CNGB3: variants seen among roughly 807,000 people sequenced by gnomAD.
CNGB3 encodes the protein cyclic nucleotide gated channel subunit beta 3, also known as cyclic nucleotide-gated channel beta-3.
A neutral mutation model predicts 92.8 loss-of-function variants in CNGB3; 86 were observed. The observed-to-expected ratio is 0.93, with a 90% CI of 0.78 to 1.11. The LOEUF is 1.11. Among genes scored for constraint, CNGB3 ranks in the 50% least tolerant of loss-of-function variants. CNGB3 has a pLI of 0.00. For missense variants in CNGB3, 1,026 were observed against 956.8 expected, an observed-to-expected ratio of 1.07 and a Z score of -0.95; for synonymous variants, 333 against 332.7, an observed-to-expected ratio of 1.00 and a Z score of -0.01.
intron 2 of CNGB3, among the ~76,000 whole-genome samples, chr8:86,732,336 C>T (rs1825170899): frequency 6.6e-6 from 1 of 152,164 alleles, no homozygotes; most frequent in Non-Finnish European, 1.5e-5. Flanking sequence ...GGCTGGCAAC[C>T]TCAATGGTGG....
chr8:86,651,619 T>C (rs887600227), intron 7 of CNGB3, among the ~76,000 whole-genome samples: 2 of 151,876 alleles, frequency 1.3e-5, no homozygotes, highest in East Asian at 1.9e-4. Context: ...GCTTGCTTTC[T>C]ATTCAATTCC....
intron 6 of CNGB3, among the ~76,000 whole-genome samples, chr8:86,655,091 C>T (rs1823478005): frequency 6.6e-6 from 1 of 152,164 alleles, no homozygotes; most frequent in African/African-American, 2.4e-5. Flanking sequence ...GCAATCTCAT[C>T]TACACTGCTT....
chr8:86,644,344 T>C (rs141545368), intron 9 of CNGB3, among the ~76,000 whole-genome samples: 1 of 151,422 alleles, frequency 6.6e-6, no homozygotes, highest in Non-Finnish European at 1.5e-5. Flanking sequence ...TAAAGTTAAC[T>C]TGCAAAAGAG....
intron 13 of CNGB3, among the ~76,000 whole-genome samples, chr8:86,624,776 G>T (rs567486343): frequency 6.6e-6 from 1 of 152,236 alleles, no homozygotes; most frequent in African/African-American, 2.4e-5. Context: ...ACATGGCTGG[G>T]ATCTGTGTCT....
intron 3 of CNGB3, among the ~76,000 whole-genome samples, chr8:86,710,001 A>G (rs574509550): frequency 8.5e-5 from 13 of 152,164 alleles, no homozygotes; most frequent in Non-Finnish European, 1.8e-4. Flanking sequence ...TTGAGATAAA[A>G]TGGTCAGTCC....
intron 3 of CNGB3, among the ~76,000 whole-genome samples, chr8:86,688,937 T>A (rs1201182047): frequency 6.6e-6 from 1 of 152,050 alleles, no homozygotes; most frequent in Non-Finnish European, 1.5e-5. Context: ...TGCTATACAC[T>A]TTCCTCTTAG....
intron 6 of CNGB3, chr8:86,658,907 C>T: frequency 1.1e-6 from 1 of 876,568 alleles, no homozygotes; most frequent in Non-Finnish European, 1.8e-6. Flanking sequence ...CAGCCTTCTG[C>T]TCTAGCTCCA....
intron 3 of CNGB3, among the ~76,000 whole-genome samples, chr8:86,695,196 A>C (rs1586022104): frequency 6.6e-6 from 1 of 152,072 alleles, no homozygotes; most frequent in Non-Finnish European, 1.5e-5. Flanking sequence ...CTCGGCAGGC[A>C]CTCGGCAGGA....
chr8:86,610,058 T>G (rs1822488968), intron 14 of CNGB3, among the ~76,000 whole-genome samples: 1 of 152,212 alleles, frequency 6.6e-6, no homozygotes, highest in African/African-American at 2.4e-5. Flanking sequence ...GTCTCTCGCA[T>G]GAAGCCAGTG....
chr8:86,658,280 C>T (rs755490106), intron 6 of CNGB3: 10 of 518,410 alleles, frequency 1.9e-5, no homozygotes, highest in Non-Finnish European at 2.9e-5. Flanking sequence ...TTAAAAATGC[C>T]ACCATGGCCT....
rs79904559 is a variant in CNGB3, at chr8:86,702,400, T to C, written c.338+24131A>G. On this transcript the variant is annotated intron_variant, in intron 3 of 17. Coordinates refer to ENST00000320005, the MANE Select transcript of CNGB3 (RefSeq NM_019098.5). ...ATAGGTAATGAACAAACATATTTTG[T>C]ATTAATACAGATACTCCAACAAAGA... is the stretch of plus-strand genomic sequence containing the variant. 8.7e-3 allele frequency among the ~76,000 whole-genome samples: 1,319 copies of C among 152,328 alleles called. 23 individuals carry two copies. The highest frequency in any genetic ancestry group is 0.03 in the African/African-American group (1,259 of 41,572).
intron 13 of CNGB3, among the ~76,000 whole-genome samples, chr8:86,622,746 A>T (rs1374689612): frequency 6.6e-6 from 1 of 152,160 alleles, no homozygotes; most frequent in East Asian, 1.9e-4. Context: ...CTAGGTTTGG[A>T]ATTTTACTTT....
intron 3 of CNGB3, among the ~76,000 whole-genome samples, chr8:86,717,703 G>C (rs925142076): frequency 6.6e-6 from 1 of 152,008 alleles, no homozygotes; most frequent in African/African-American, 2.4e-5. Context: ...AACAACTGCA[G>C]AATATACATT....
chr8:86,670,948 T>TC lies in CNGB3; in HGVS notation c.488_489insG (p.Thr164AsnfsTer15). 1 of 1,612,332 alleles carries TC rather than the reference T, an allele frequency of 6.2e-7. No individual in the cohort carries two copies. The highest frequency in any genetic ancestry group is 8.5e-7 in the Non-Finnish European group (1 of 1,179,980). On this transcript the variant is annotated frameshift_variant, in exon 4 of 18. Coordinates refer to ENST00000320005, the MANE Select transcript of CNGB3 (RefSeq NM_019098.5). LOFTEE classifies it high-confidence loss of function. ...CTTGGAGGGAGCAATGCTTACCAGT[T>TC]TGTGGGCTGGCTTCGGGTGAGGAGA...
intron 7 of CNGB3, among the ~76,000 whole-genome samples, chr8:86,653,619 A>G (rs971136185): frequency 2.1e-4 from 32 of 152,258 alleles, no homozygotes; most frequent in African/African-American, 7.5e-4. Context: ...TCTATTAATA[A>G]TTTTTATTTT....
chr8:86,728,049 T>C (rs920127934), intron 2 of CNGB3, among the ~76,000 whole-genome samples: 4 of 152,172 alleles, frequency 2.6e-5, no homozygotes, highest in South Asian at 2.1e-4. Flanking sequence ...GCCTAAATTC[T>C]CGGATTTCCC....
intron 6 of CNGB3, among the ~76,000 whole-genome samples, chr8:86,665,356 T>C (rs1480318275): frequency 2.0e-5 from 3 of 152,194 alleles, no homozygotes; most frequent in African/African-American, 4.8e-5. Context: ...GAAATCAACT[T>C]GGAGATTTCT....
At chr8:86,664,473 G>T (rs930868813) in intron 6 of CNGB3, among the ~76,000 whole-genome samples, 8 of 152,198 alleles carry the variant, frequency 5.3e-5, no homozygotes, top group African/African-American at 1.9e-4. Flanking sequence ...TTGGGAGGAG[G>T]ATGGCACATT....
intron 6 of CNGB3, chr8:86,657,544 CTCT>C: frequency 6.2e-6 from 3 of 482,320 alleles, no homozygotes; most frequent in Non-Finnish European, 1.3e-5. Flanking sequence ...CCTCCCTGGC[CTCT>C]TCTTGTGCAG....
Sources: gnomAD v4.1 joint callset for allele counts (sites outside exome capture counted in the v4.1 genomes callset) on GRCh38, gnomAD v4.1.1 for gene constraint, MANE v1.5 for transcripts, NCBI Gene and HGNC (gene_info 2026-07-23, HGNC 2026-07-21) for gene names.